STON1: variants seen among roughly 807,000 people sequenced by gnomAD.
STON1 encodes the protein stonin-1.
STON1 carries 79 observed loss-of-function variants against 60.9 expected under a neutral mutation model. The ratio of observed to expected loss-of-function variants is 1.30; its 90% CI spans 1.08 to 1.56. STON1 has a LOEUF of 1.56. Ranked by LOEUF, STON1 falls within the 40% of genes most tolerant of loss-of-function variation. The pLI is 0.00. For missense variants in STON1, 1,166 were observed against 858.9 expected, an observed-to-expected ratio of 1.36 and a Z score of -4.47; for synonymous variants, 363 against 306.9, an observed-to-expected ratio of 1.18 and a Z score of -1.91.
intron 1 of STON1, among the ~76,000 whole-genome samples, chr2:48,534,139 G>A (rs1235286816): frequency 1.3e-5 from 2 of 152,092 alleles, no homozygotes; most frequent in Non-Finnish European, 2.9e-5. Context: ...AATACATCGA[G>A]AAAATACTGG....
chr2:48,536,467 G>C (rs1292182536), intron 1 of STON1, among the ~76,000 whole-genome samples: 1 of 149,324 alleles, frequency 6.7e-6, no homozygotes, highest in African/African-American at 2.5e-5. Flanking sequence ...AGAATAGCTT[G>C]AACCTGGGAG....
chr2:48,547,418 G>A (rs532758766), intron 1 of STON1, among the ~76,000 whole-genome samples: 7 of 152,312 alleles, frequency 4.6e-5, no homozygotes, highest in African/African-American at 1.4e-4. Flanking sequence ...ACCAGAGTTC[G>A]CCTAAAGTGA....
intron 1 of STON1, among the ~76,000 whole-genome samples, chr2:48,574,430 T>A (rs938932534): frequency 6.6e-6 from 1 of 152,006 alleles, no homozygotes; most frequent in Non-Finnish European, 1.5e-5. Context: ...TTGTGATGGT[T>A]TCACAATTGT....
At position 48,595,670 on chromosome 2, in the gene STON1, T is replaced by G; in HGVS notation, c.*368T>G. The G allele has an allele frequency of 3.9e-6, 1 of 257,082 alleles. No homozygotes were observed. Among genetic ancestry groups the G allele is most frequent in the Non-Finnish European group, 7.4e-6 (1 of 135,012 alleles). 15.9% of individuals were successfully genotyped at this position (257,082 alleles called of 1,614,324 possible). A position where few individuals can be genotyped will look rare whatever the true frequency, so the allele number is the denominator to read the frequency against. ...GGTGCCGTCTTCATTTCTTCCCATCTCTTCTTGCTGCTTAGTGTCTGTACT... is the reference window on the plus strand; with the variant it reads ...GGTGCCGTCTTCATTTCTTCCCATCGCTTCTTGCTGCTTAGTGTCTGTACT... On this transcript the variant is annotated 3_prime_UTR_variant, in exon 4 of 4. Transcript: ENST00000404752.
chr2:48,541,038 A>G (rs1671628848), intron 1 of STON1, among the ~76,000 whole-genome samples: 1 of 152,202 alleles, frequency 6.6e-6, no homozygotes, highest in African/African-American at 2.4e-5. Flanking sequence ...AACTTAATTA[A>G]ATTAACTCCT....
intron 1 of STON1, among the ~76,000 whole-genome samples, chr2:48,562,923 C>A (rs1672669866): frequency 6.6e-6 from 1 of 152,222 alleles, no homozygotes; most frequent in African/African-American, 2.4e-5. Context: ...GAACAACACA[C>A]TGGATGCTCA....
chr2:48,552,594 C>T (rs1025156671), intron 1 of STON1, among the ~76,000 whole-genome samples: 1 of 151,786 alleles, frequency 6.6e-6, no homozygotes, highest in African/African-American at 2.4e-5. Context: ...GAGAGCCCGT[C>T]TCTACTAAAA....
chr2:48,537,669 C>T (rs908775751), intron 1 of STON1, among the ~76,000 whole-genome samples: 3 of 151,644 alleles, frequency 2.0e-5, no homozygotes, highest in Admixed American at 6.6e-5. Context: ...GCCAACATGG[C>T]GAAACCCTAT....
intron 1 of STON1, among the ~76,000 whole-genome samples, chr2:48,535,611 G>A (rs138458299): frequency 3.7e-4 from 56 of 152,292 alleles, no homozygotes; most frequent in African/African-American, 7.7e-4. Context: ...TTGGGAGGCC[G>A]ACGTGGGGGG....
chr2:48,590,636 A>AACACACACACACACACACATACACAC, intron 2 of STON1, among the ~76,000 whole-genome samples: 1 of 142,120 alleles, frequency 7.0e-6, no homozygotes, highest in African/African-American at 2.7e-5. Context: ...ATTTCCTTAT[A>AACACACACACACACACACATACACAC]ACACACACAC....
chr2:48,576,270 A>G (rs1169775101), intron 1 of STON1, among the ~76,000 whole-genome samples: 2 of 128,248 alleles, frequency 1.6e-5, no homozygotes, highest in African/African-American at 6.0e-5. Context: ...GCTCACTGCA[A>G]CCTCTGCCTC....
chr2:48,539,547 G>A (rs1294456331), intron 1 of STON1, among the ~76,000 whole-genome samples: 1 of 151,998 alleles, frequency 6.6e-6, no homozygotes, highest in Non-Finnish European at 1.5e-5. Context: ...TGTCACCCAG[G>A]CTGGAGTGCA....
chr2:48,561,190 TG>T (rs1672594891), intron 1 of STON1, among the ~76,000 whole-genome samples: 1 of 152,202 alleles, frequency 6.6e-6, no homozygotes, highest in African/African-American at 2.4e-5. Flanking sequence ...GGCTTCCATG[TG>T]GACATACCTC....
intron 2 of STON1, among the ~76,000 whole-genome samples, chr2:48,585,437 T>TG (rs1348217720): frequency 2.6e-5 from 4 of 151,982 alleles, no homozygotes; most frequent in African/African-American, 9.7e-5. Context: ...TGTGTAGAGA[T>TG]GGGGTTTCAC....
chr2:48,558,566 A>T (rs916325609), intron 1 of STON1, among the ~76,000 whole-genome samples: 8 of 152,342 alleles, frequency 5.3e-5, no homozygotes, highest in African/African-American at 1.9e-4. Flanking sequence ...CTATGATCAC[A>T]GTGTGTGTAA....
chr2:48,574,249 A>T (rs948388697), intron 1 of STON1, among the ~76,000 whole-genome samples: 4 of 151,886 alleles, frequency 2.6e-5, no homozygotes, highest in African/African-American at 9.7e-5. Context: ...GGTGGCGTGC[A>T]CCTGTAATCC....
rs139653729 is a variant in STON1, at chr2:48,571,535, A to G, written c.-47-9052A>G. On this transcript the variant is annotated intron_variant, in intron 1 of 3. Coordinates refer to ENST00000404752, the MANE Select transcript of STON1 (RefSeq NM_006873.4). ...ACAAAACAAAACTGAAATTACATAG[A>G]TGCTGCCCCTTGAATACTCTTGGAT... Among the ~76,000 whole-genome samples, 691 of 152,326 alleles carry G rather than the reference A, an allele frequency of 4.5e-3. 7 individuals are homozygous for G. Among genetic ancestry groups the G allele is most frequent in the African/African-American group, 0.016 (647 of 41,560 alleles).
chr2:48,587,743 C>T (rs1419797566), intron 2 of STON1, among the ~76,000 whole-genome samples: 2 of 152,212 alleles, frequency 1.3e-5, no homozygotes, highest in Admixed American at 6.5e-5. Context: ...ATTTTACAGG[C>T]ATTTCAGTCA....
At chr2:48,540,281 C>T (rs572492027) in intron 1 of STON1, among the ~76,000 whole-genome samples, 8 of 152,234 alleles carry the variant, frequency 5.3e-5, no homozygotes, top group African/African-American at 1.7e-4. Context: ...CACCCCACAG[C>T]CCTTGTTACA....
Sources: allele counts gnomAD v4.1 joint callset (sites outside exome capture counted in the v4.1 genomes callset), GRCh38; gene constraint gnomAD v4.1.1; transcripts MANE v1.5; gene names NCBI Gene and HGNC (gene_info 2026-07-23, HGNC 2026-07-21).